The following OSBPL1A variants were observed in gnomAD, a reference collection of about 807,000 sequenced individuals.
The protein encoded by OSBPL1A is oxysterol-binding protein-related protein 1.
Under a neutral mutation model 137.1 loss-of-function variants are expected in OSBPL1A, and 80 were observed. The observed-to-expected ratio is 0.58, with a 90% CI of 0.49 to 0.70. The LOEUF is 0.70. Among genes scored for constraint, OSBPL1A ranks in the 30% least tolerant of loss-of-function variants. The pLI is 0.00. For missense variants in OSBPL1A, 970 were observed against 1,129.4 expected, an observed-to-expected ratio of 0.86 and a Z score of 2.02; for synonymous variants, 365 against 389.7, an observed-to-expected ratio of 0.94 and a Z score of 0.75.
intron 15 of OSBPL1A, among the ~76,000 whole-genome samples, chr18:24,270,880 C>G (rs1280633358): frequency 6.6e-6 from 1 of 152,100 alleles, no homozygotes; most frequent in Admixed American, 6.5e-5. Flanking sequence ...CTTTTAATAG[C>G]CTTAATAACT....
intron 15 of OSBPL1A, among the ~76,000 whole-genome samples, chr18:24,245,653 AG>A (rs1043646304): frequency 7.9e-5 from 12 of 152,304 alleles, no homozygotes; most frequent in African/African-American, 2.6e-4. Flanking sequence ...TCTCACCTCC[AG>A]GGTCCAGGGA....
At chr18:24,386,936 GAC>G (rs1704215687) in intron 1 of OSBPL1A, among the ~76,000 whole-genome samples, 1 of 152,006 alleles carries the variant, frequency 6.6e-6, no homozygotes, top group Admixed American at 6.6e-5. Flanking sequence ...CGGCCTGTGT[GAC>G]AGAGTGAGAC....
intron 16 of OSBPL1A, among the ~76,000 whole-genome samples, chr18:24,232,959 T>C (rs1413206339): frequency 6.6e-6 from 1 of 152,246 alleles, no homozygotes; most frequent in Non-Finnish European, 1.5e-5. Context: ...TCGGATTTTA[T>C]GCATTATTCA....
At chr18:24,351,177 G>A (rs2091431533) in intron 4 of OSBPL1A, among the ~76,000 whole-genome samples, 1 of 151,628 alleles carries the variant, frequency 6.6e-6, no homozygotes, top group Admixed American at 6.6e-5. Context: ...GTAAAACCCT[G>A]TCTCTACTAA....
intron 14 of OSBPL1A, among the ~76,000 whole-genome samples, chr18:24,285,955 G>A (rs987025096): frequency 6.6e-6 from 1 of 152,090 alleles, no homozygotes; most frequent in Admixed American, 6.5e-5. Context: ...TCAGGAATTC[G>A]AGACCAGCCT....
At chr18:24,334,703 A>G (rs772262547) in intron 5 of OSBPL1A, among the ~76,000 whole-genome samples, 2 of 152,350 alleles carry the variant, frequency 1.3e-5, no homozygotes, top group Non-Finnish European at 2.9e-5. Flanking sequence ...GCACTGATAG[A>G]AAGATGTACA....
At chr18:24,221,055 A>C (rs992612335) in intron 17 of OSBPL1A, among the ~76,000 whole-genome samples, 2 of 152,168 alleles carry the variant, frequency 1.3e-5, no homozygotes, top group African/African-American at 4.8e-5. Context: ...TACTAGTATT[A>C]CAAGCATGAG....
At chr18:24,223,487 GT>G (rs1444792534) in intron 17 of OSBPL1A, among the ~76,000 whole-genome samples, 1 of 151,976 alleles carries the variant, frequency 6.6e-6, no homozygotes, top group East Asian at 1.9e-4. Flanking sequence ...TCATTTATCA[GT>G]TACACTTTTC....
chr18:24,352,636 G>A (rs2091461591), intron 4 of OSBPL1A, among the ~76,000 whole-genome samples: 1 of 152,124 alleles, frequency 6.6e-6, no homozygotes, highest in South Asian at 2.1e-4. Flanking sequence ...GAACAAAGCT[G>A]GAGGCATCAG....
intron 4 of OSBPL1A, among the ~76,000 whole-genome samples, chr18:24,353,059 T>G (rs2091470699): frequency 6.6e-6 from 1 of 151,900 alleles, no homozygotes; most frequent in Non-Finnish European, 1.5e-5. Flanking sequence ...AAGCCAAAAT[T>G]GACAAATGGG....
At chr18:24,288,995 T>G (rs1256488412) in intron 14 of OSBPL1A, among the ~76,000 whole-genome samples, 1 of 152,112 alleles carries the variant, frequency 6.6e-6, no homozygotes, top group Non-Finnish European at 1.5e-5. Context: ...ATGGGAGAAC[T>G]GATCAACAAA....
intron 15 of OSBPL1A, among the ~76,000 whole-genome samples, chr18:24,244,239 T>G (rs1317384117): frequency 1.3e-5 from 2 of 152,242 alleles, no homozygotes; most frequent in African/African-American, 4.8e-5. Flanking sequence ...ACTTCTATTA[T>G]GTATCAATAT....
At position 24,368,241 on chromosome 18, in the gene OSBPL1A, CAAT is replaced by C. The variant is rs776039095; in HGVS notation, c.207+43_207+45del. 16 of 1,434,122 alleles carry C rather than the reference CAAT, an allele frequency of 1.1e-5. No individual in the cohort carries two copies. The African/African-American group carries it at 2.0e-4, about 18-fold the overall frequency. The allele number at this position is 1,434,122 out of a possible 1,614,324, so 88.8% of individuals were successfully genotyped here. A position where few individuals can be genotyped will look rare whatever the true frequency, so the allele number is the denominator to read the frequency against. Reference sequence around the variant, plus strand: ...GACTTTCATCTTAAAATTTCCATAACAATAATATTTACTGTAGTCATTAAAAAT... The same window carrying C: ...GACTTTCATCTTAAAATTTCCATAACAATATTTACTGTAGTCATTAAAAAT... On this transcript the variant is annotated intron_variant, in intron 3 of 27. Transcript: ENST00000319481.
chr18:24,188,334 G>A (rs141110635), intron 18 of OSBPL1A, among the ~76,000 whole-genome samples: 24 of 152,294 alleles, frequency 1.6e-4, no homozygotes, highest in African/African-American at 4.3e-4. Context: ...CCACAGCCAC[G>A]GGCTCCTCAA....
intron 16 of OSBPL1A, among the ~76,000 whole-genome samples, chr18:24,233,524 A>G (rs118139677): frequency 6.6e-6 from 1 of 152,318 alleles, no homozygotes; most frequent in East Asian, 1.9e-4. Flanking sequence ...CATCAATGAC[A>G]TTTCTTCAAC....
At position 24,280,961 on chromosome 18, in the gene OSBPL1A, A is replaced by T; in HGVS notation, c.1175-13T>A. The T allele has an allele frequency of 6.5e-7, 1 of 1,545,784 alleles. No homozygotes were observed. The highest frequency in any genetic ancestry group is 8.8e-7 in the Non-Finnish European group (1 of 1,136,648). ...GATGGAAGCATTTCTATAAAGAAAA[A>T]AATAAATACAGTGAGTCGGATTTTA... On this transcript the variant is annotated splice_polypyrimidine_tract_variant and intron_variant, in intron 14 of 27. Coordinates refer to ENST00000319481, the MANE Select transcript of OSBPL1A (RefSeq NM_080597.4).
chr18:24,268,114 GTTGT>G (rs1034778515), intron 15 of OSBPL1A, among the ~76,000 whole-genome samples: 1 of 151,730 alleles, frequency 6.6e-6, no homozygotes. Context: ...TCCTTTTTTT[GTTGT>G]TTATTTTTTA....
At chr18:24,305,029 A>G (rs901339486) in intron 13 of OSBPL1A, among the ~76,000 whole-genome samples, 1 of 152,236 alleles carries the variant, frequency 6.6e-6, no homozygotes, top group African/African-American at 2.4e-5. Flanking sequence ...GCACCAAAAC[A>G]TGCACTGCAA....
chr18:24,335,142 C>T (rs2091153107), intron 5 of OSBPL1A, among the ~76,000 whole-genome samples: 1 of 152,142 alleles, frequency 6.6e-6, no homozygotes, highest in Non-Finnish European at 1.5e-5. Context: ...CTTCCTGCAT[C>T]GACTTTTCAA....
Sources: gnomAD v4.1 joint callset for allele counts (sites outside exome capture counted in the v4.1 genomes callset) on GRCh38, gnomAD v4.1.1 for gene constraint, MANE v1.5 for transcripts, NCBI Gene and HGNC (gene_info 2026-07-23, HGNC 2026-07-21) for gene names.